The following CFAP70 variants were observed in gnomAD, a reference collection of about 807,000 sequenced individuals.
The protein encoded by CFAP70 is cilia- and flagella-associated protein 70.
Under a neutral mutation model 137.6 loss-of-function variants are expected in CFAP70, and 81 were observed. The observed-to-expected ratio is 0.59, with a 90% CI of 0.49 to 0.71. CFAP70 has a LOEUF of 0.71. Ranked by LOEUF, CFAP70 falls within the 30% of genes least tolerant of loss-of-function variation. The pLI is 0.00. For missense variants in CFAP70, 976 were observed against 1,226.7 expected, an observed-to-expected ratio of 0.80 and a Z score of 3.05; for synonymous variants, 382 against 423.6, an observed-to-expected ratio of 0.90 and a Z score of 1.20.
At chr10:73,309,735 C>A (rs11000597) in intron 12 of CFAP70, among the ~76,000 whole-genome samples, 1 of 150,476 alleles carries the variant, frequency 6.6e-6, no homozygotes, top group African/African-American at 2.5e-5. Flanking sequence ...CGGCTCACTG[C>A]AACCTCCGCC....
chr10:73,338,432 C>A (rs944444194), intron 6 of CFAP70, among the ~76,000 whole-genome samples: 3 of 108,554 alleles, frequency 2.8e-5, no homozygotes, highest in Admixed American at 9.7e-5. Flanking sequence ...ATGTGAATCT[C>A]TTTTTTTTTT....
At chr10:73,353,705 C>T (rs144012531) in exon 3 of CFAP70, 8 of 1,614,116 alleles carry the variant, frequency 5.0e-6, no homozygotes, top group African/African-American at 2.7e-5. Context: ...GAATTCTGCT[C>T]GAATAAAGGT....
chr10:73,300,581 G>A (rs989337854), intron 12 of CFAP70, among the ~76,000 whole-genome samples: 3 of 152,150 alleles, frequency 2.0e-5, no homozygotes, highest in African/African-American at 7.2e-5. Flanking sequence ...GATACTGAGA[G>A]GCCAGCCATG....
At chr10:73,324,169 G>A (rs1344139296) in intron 8 of CFAP70, among the ~76,000 whole-genome samples, 2 of 152,184 alleles carry the variant, frequency 1.3e-5, no homozygotes, top group Non-Finnish European at 2.9e-5. Context: ...AGCAGCATTC[G>A]TGGTTCATGA....
intron 14 of CFAP70, among the ~76,000 whole-genome samples, 191 bp downstream of exon 15, chr10:73,298,716 G>C (rs531929489): frequency 2.0e-5 from 3 of 152,092 alleles, no homozygotes; most frequent in Non-Finnish European, 4.4e-5. Flanking sequence ...CAGAATATAT[G>C]TAATAATTTA....
intron 11 of CFAP70, 120 bp from the exon 13 acceptor site, chr10:73,310,369 CA>C: frequency 1.8e-6 from 1 of 563,326 alleles, no homozygotes; most frequent in Non-Finnish European, 3.1e-6. Context: ...ACTACATATA[CA>C]GTGTGATCTC....
intron 2 of CFAP70, among the ~76,000 whole-genome samples, 190 bp from the exon 3 acceptor site, chr10:73,353,932 T>C (rs1490622726): frequency 6.6e-6 from 1 of 152,228 alleles, no homozygotes; most frequent in Non-Finnish European, 1.5e-5. Context: ...CAACATTCCA[T>C]TGAAGTGCTG....
At chr10:73,326,667 C>T in intron 8 of CFAP70, among the ~76,000 whole-genome samples, 1 of 151,932 alleles carries the variant, frequency 6.6e-6, no homozygotes, top group Non-Finnish European at 1.5e-5. Flanking sequence ...CACCACCGAT[C>T]CCACAGAGAT....
chr10:73,286,842 G>T (rs1245450045), intron 19 of CFAP70, among the ~76,000 whole-genome samples: 1 of 152,216 alleles, frequency 6.6e-6, no homozygotes, highest in African/African-American at 2.4e-5. Context: ...TTAGCTAAAA[G>T]TATGCCTTAT....
chr10:73,322,931 A>T (rs1387496414), intron 9 of CFAP70, 32 bp downstream of exon 10: 3 of 1,560,452 alleles, frequency 1.9e-6, no homozygotes, highest in Non-Finnish European at 2.6e-6. Flanking sequence ...AGGATAAATT[A>T]CCATGATGAT....
At chr10:73,253,981 A>G (rs146234051) in exon 27 of CFAP70, 226 of 1,604,474 alleles carry the variant, frequency 1.4e-4, no homozygotes, top group Non-Finnish European at 1.7e-4. Context: ...GGTATCAGAA[A>G]GATGGATTTC....
Position 73,293,082 on chromosome 10 carries a change from A to T in CFAP70, c.1770+181T>A, listed in dbSNP as rs546723056. 3.9e-5 allele frequency among the ~76,000 whole-genome samples: 6 copies of T among 152,260 alleles called. No individual in the cohort carries two copies. In the South Asian group the frequency reaches 1.0e-3, roughly 26 times the overall value. On this transcript the variant is annotated intron_variant, in intron 16 of 26. Coordinates refer to ENST00000310715, the Ensembl canonical transcript of CFAP70. ...CTGAAAAGACTATCCTTTCTCCATTAAATTTCTTTTAGGTTTGTCAAAAAT... is the reference window on the plus strand; with the variant it reads ...CTGAAAAGACTATCCTTTCTCCATTTAATTTCTTTTAGGTTTGTCAAAAAT...
At chr10:73,319,085 C>T (rs544710288) in intron 9 of CFAP70, among the ~76,000 whole-genome samples, 2 of 152,244 alleles carry the variant, frequency 1.3e-5, no homozygotes, top group South Asian at 4.1e-4. Context: ...AAATAAGTAA[C>T]TTAAACAAGA....
At chr10:73,346,596 TCA>T (rs1190963452) in intron 4 of CFAP70, among the ~76,000 whole-genome samples, 4 of 150,094 alleles carry the variant, frequency 2.7e-5, no homozygotes, top group African/African-American at 9.9e-5. Context: ...TGAGCCGAGA[TCA>T]CACAATTGCA....
intron 9 of CFAP70, among the ~76,000 whole-genome samples, chr10:73,321,829 G>C (rs112123636): frequency 6.6e-6 from 1 of 151,872 alleles, no homozygotes; most frequent in African/African-American, 2.4e-5. Context: ...TGTTGCCCAG[G>C]CTGTAATGAA....
Position 73,275,270 on chromosome 10 carries a change from C to T in CFAP70, c.2673+176G>A, listed in dbSNP as rs1204182080. The T allele has an allele frequency of 1.5e-5, 8 of 550,784 alleles. No individual in the cohort carries two copies. The highest frequency in any genetic ancestry group is 7.9e-5 in the African/African-American group (4 of 50,748). 34.1% of individuals were successfully genotyped at this position (550,784 alleles called of 1,614,324 possible). A position where few individuals can be genotyped will look rare whatever the true frequency, so the allele number is the denominator to read the frequency against. On this transcript the variant is annotated intron_variant, in intron 22 of 26. Transcript: ENST00000310715. The surrounding 1 kb of genome is among the most constrained non-coding windows in gnomAD (Gnocchi z 4.0). ...CTGCGATTACAGTTGTGAGCCACCG[C>T]GCCCAGCCAACTCATGATTACTTAA...
intron 23 of CFAP70, 35 bp downstream of exon 24, chr10:73,274,398 G>T: frequency 6.4e-7 from 1 of 1,571,986 alleles, no homozygotes; most frequent in South Asian, 1.2e-5. Context: ...TTAGTTCCCA[G>T]ACCACGGGGT....
chr10:73,298,935 T>C, exon 14 of CFAP70: 3 of 1,614,010 alleles, frequency 1.9e-6, no homozygotes, highest in Non-Finnish European at 2.5e-6. Context: ...AGCAAAGTAT[T>C]TTCCAGAGCA....
In CFAP70 at chr10:73,258,784, A is replaced by G. The variant is rs530648250; in HGVS notation, c.3028-2368T>C. On this transcript the variant is annotated intron_variant, in intron 25 of 26. Transcript: ENST00000310715. Reference sequence around the variant, plus strand: ...GAGTGTCTCTCTCTTATATGGTTGTATATAAGGGATGAAAAAAGCCCCGGT... The same window carrying G: ...GAGTGTCTCTCTCTTATATGGTTGTGTATAAGGGATGAAAAAAGCCCCGGT... 6.6e-5 allele frequency among the ~76,000 whole-genome samples: 10 copies of G among 152,312 alleles called. No homozygotes were observed. The East Asian group carries it at 1.9e-3, about 29-fold the overall frequency.
Sources: allele counts gnomAD v4.1 joint callset (sites outside exome capture counted in the v4.1 genomes callset), GRCh38; gene constraint gnomAD v4.1.1; non-coding constraint Gnocchi (gnomAD v3.1); transcripts MANE v1.5; gene names NCBI Gene and HGNC (gene_info 2026-07-23, HGNC 2026-07-21).